MCF2L: variants seen among roughly 807,000 people sequenced by gnomAD.
The protein encoded by MCF2L is MCF.2 cell line derived transforming sequence like.
In MCF2L, 97 loss-of-function variants were observed where a neutral mutation model predicts 153.4. That is an observed-to-expected ratio of 0.63 (90% CI 0.54 to 0.75). The LOEUF is 0.75. MCF2L is among the 30% of genes least tolerant of loss of function. MCF2L has a pLI of 0.00. For missense variants in MCF2L, 1,347 were observed against 1,495.2 expected (o/e 0.90, Z 1.64); for synonymous variants, 659 against 632.2 (o/e 1.04, Z -0.64).
upstream of MCF2L, chr13:112,968,840 G>A (rs1428704052): frequency 8.2e-7 from 1 of 1,218,646 alleles, no homozygotes; most frequent in African/African-American, 1.6e-5. Flanking sequence ...GGAAGGGCGG[G>A]GGCACTTGTG....
chr13:112,945,052 G>A (rs976877264), intron 2 of MCF2L, among the ~76,000 whole-genome samples: 10 of 150,718 alleles, frequency 6.6e-5, no homozygotes, highest in African/African-American at 2.4e-4. Context: ...TGCAGGGTGG[G>A]CCCTGAAGGG....
intron 20 of MCF2L, among the ~76,000 whole-genome samples, chr13:113,085,610 A>G (rs1355935233): frequency 1.5e-4 from 23 of 151,786 alleles, no homozygotes; most frequent in African/African-American, 5.6e-4. Flanking sequence ...TGGCGAGAGG[A>G]AACTCCCCAG....
chr13:113,065,725 G>A (rs1305680825), intron 7 of MCF2L, among the ~76,000 whole-genome samples: 2 of 152,218 alleles, frequency 1.3e-5, no homozygotes, highest in South Asian at 2.1e-4. Context: ...TCACCGGGCC[G>A]CTCCACCGTG....
chr13:113,011,789 T>C (rs1315435394), intron 1 of MCF2L, among the ~76,000 whole-genome samples: 26 of 103,934 alleles, frequency 2.5e-4, no homozygotes, highest in African/African-American at 9.0e-4. Flanking sequence ...GTGGACACTG[T>C]GATGCGGACG....
intron 2 of MCF2L, among the ~76,000 whole-genome samples, chr13:112,903,700 T>A (rs1344309235): frequency 6.6e-6 from 1 of 152,230 alleles, no homozygotes; most frequent in African/African-American, 2.4e-5. Context: ...ATCACTTCCC[T>A]TGTCAGTGAC....
chr13:112,995,771 C>T (rs1057248316), intron 1 of MCF2L, among the ~76,000 whole-genome samples: 5 of 152,116 alleles, frequency 3.3e-5, no homozygotes, highest in Admixed American at 2.6e-4. Context: ...CCCTCTCCCC[C>T]AGACTCCTCT....
Position 112,969,554 on chromosome 13 carries a change from C to T in MCF2L, c.79+96C>T, listed in dbSNP as rs1009714367. 2.0e-6 allele frequency: 3 copies of T among 1,522,440 alleles called. No homozygotes were observed. The highest frequency in any genetic ancestry group is 2.5e-5 in the East Asian group (1 of 39,710). The allele number at this position is 1,522,440 out of a possible 1,614,324, so 94.3% of individuals were successfully genotyped here. A position where few individuals can be genotyped will look rare whatever the true frequency, so the allele number is the denominator to read the frequency against. ...GCGTCTGATTTTTGTAAGCCGCCCT[C>T]GTGTTCCTTTCTAGCCGTGGTAGCT... On this transcript the variant is annotated intron_variant, in intron 1 of 29. Coordinates refer to ENST00000535094, the MANE Select transcript of MCF2L (RefSeq NM_001112732.3). This position sits in a 1 kb window ranked among gnomAD's most constrained non-coding sequence, Gnocchi z 4.8.
chr13:113,045,120 G>A lies in MCF2L; in HGVS notation c.279-151G>A. 1.1e-6 allele frequency: 1 copy of A among 935,920 alleles called. No individual in the cohort carries two copies. Among genetic ancestry groups the A allele is most frequent in the Admixed American group, 2.0e-5 (1 of 49,024 alleles). 58.0% of individuals were successfully genotyped at this position (935,920 alleles called of 1,614,324 possible). Reference sequence around the variant, plus strand: ...GGGACTGCGGGGATGGGGCTGCCGGGGCCCCCGTGTGCCATGCCTCTCACC... The same window carrying A: ...GGGACTGCGGGGATGGGGCTGCCGGAGCCCCCGTGTGCCATGCCTCTCACC... On this transcript the variant is annotated intron_variant, in intron 3 of 29. Transcript: ENST00000535094. This position sits in a 1 kb window ranked among gnomAD's most constrained non-coding sequence, Gnocchi z 4.2.
At chr13:112,902,972 A>G (rs955220514) in intron 2 of MCF2L, among the ~76,000 whole-genome samples, 2 of 152,196 alleles carry the variant, frequency 1.3e-5, no homozygotes, top group East Asian at 1.9e-4. Flanking sequence ...AATGTTCTGC[A>G]TGTATTTTCT....
chr13:112,914,408 G>A lies in MCF2L; in HGVS notation c.169+12037G>A, dbSNP rs139268330. Among the ~76,000 whole-genome samples, 91 of 152,364 alleles carry A rather than the reference G, an allele frequency of 6.0e-4. 1 individual carries two copies. The East Asian group carries it at 7.7e-3, about 13-fold the overall frequency. On this transcript the variant is annotated intron_variant, in intron 2 of 29. Transcript: ENST00000375608. ...GGCAGTGGCTACACTGTATTCACTC[G>A]TCTCTGCTGATGGGCACTACTGTAG...
intron 2 of MCF2L, among the ~76,000 whole-genome samples, chr13:112,940,822 A>T (rs1446578242): frequency 6.6e-6 from 1 of 150,690 alleles, no homozygotes; most frequent in Admixed American, 6.6e-5. Context: ...TTAAAAAAAA[A>T]TCACATCTTC....
chr13:112,925,825 C>G (rs1412623424), intron 2 of MCF2L, among the ~76,000 whole-genome samples: 3 of 152,120 alleles, frequency 2.0e-5, no homozygotes, highest in African/African-American at 4.8e-5. Flanking sequence ...CACAAGAAAG[C>G]ATTGCGTTGA....
At chr13:112,922,790 G>A (rs1437055017) in intron 2 of MCF2L, among the ~76,000 whole-genome samples, 1 of 152,208 alleles carries the variant, frequency 6.6e-6, no homozygotes, top group Non-Finnish European at 1.5e-5. Flanking sequence ...AGCTGAGATC[G>A]TGCCACTGCA....
chr13:113,022,464 G>T (rs1247016194), intron 2 of MCF2L, among the ~76,000 whole-genome samples: 1 of 150,596 alleles, frequency 6.6e-6, no homozygotes, highest in Non-Finnish European at 1.5e-5. Context: ...ACACAGGCAG[G>T]GTCCGCCCCC....
intron 3 of MCF2L, among the ~76,000 whole-genome samples, chr13:113,037,299 G>A (rs2086215613): frequency 6.6e-6 from 1 of 152,192 alleles, no homozygotes; most frequent in Non-Finnish European, 1.5e-5. Flanking sequence ...CCAGGGCAGA[G>A]TTGAGCTAGA....
chr13:113,007,542 G>A (rs542061181), intron 1 of MCF2L, among the ~76,000 whole-genome samples: 2 of 152,348 alleles, frequency 1.3e-5, no homozygotes, highest in African/African-American at 4.8e-5. Context: ...AGATCTCACT[G>A]GGCTTTGTTG....
At chr13:113,065,796 C>T (rs2032267569) in intron 7 of MCF2L, among the ~76,000 whole-genome samples, 1 of 152,230 alleles carries the variant, frequency 6.6e-6, no homozygotes, top group Non-Finnish European at 1.5e-5. Flanking sequence ...GACTCTTTCA[C>T]CTTAACCCGT....
intron 1 of MCF2L, among the ~76,000 whole-genome samples, chr13:113,002,572 G>A (rs2083445297): frequency 6.6e-6 from 1 of 152,188 alleles, no homozygotes; most frequent in Non-Finnish European, 1.5e-5. Context: ...AGGTTTGGGT[G>A]TGTTTGGTCT....
At chr13:113,022,543 G>A (rs541757370) in intron 2 of MCF2L, among the ~76,000 whole-genome samples, 305 of 152,324 alleles carry the variant, frequency 2.0e-3, no homozygotes, top group African/African-American at 7.1e-3. Context: ...GCCCCTGAAC[G>A]TTCCCCCCAG....
Sources: gnomAD v4.1 joint callset for allele counts (sites outside exome capture counted in the v4.1 genomes callset) on GRCh38, gnomAD v4.1.1 for gene constraint, Gnocchi (gnomAD v3.1) non-coding constraint, MANE v1.5 for transcripts, NCBI Gene and HGNC (gene_info 2026-07-23, HGNC 2026-07-21) for gene names.